MAGI1: variants seen among roughly 807,000 people sequenced by gnomAD.
The protein encoded by MAGI1 is membrane associated guanylate kinase, WW and PDZ domain containing 1, also known as membrane-associated guanylate kinase, WW and PDZ domain-containing protein 1.
In MAGI1, 58 loss-of-function variants were observed where a neutral mutation model predicts 139.9. The observed-to-expected ratio is 0.41, with a 90% CI of 0.34 to 0.52. The LOEUF is 0.52. Among genes scored for constraint, MAGI1 ranks in the 20% least tolerant of loss-of-function variants. MAGI1 has a pLI of 0.12. For missense variants in MAGI1, 1,874 were observed against 1,901.6 expected, an observed-to-expected ratio of 0.99 and a Z score of 0.27; for synonymous variants, 812 against 737.9, an observed-to-expected ratio of 1.10 and a Z score of -1.63.
intron 1 of MAGI1, among the ~76,000 whole-genome samples, chr3:65,918,379 A>ACTT (rs2062009102): frequency 7.8e-6 from 1 of 128,704 alleles, no homozygotes; most frequent in Non-Finnish European, 1.6e-5. Flanking sequence ...GCTCCAAAAC[A>ACTT]TTTTTTTTTT....
At chr3:65,632,712 T>C (rs933486287) in intron 1 of MAGI1, among the ~76,000 whole-genome samples, 5 of 152,212 alleles carry the variant, frequency 3.3e-5, no homozygotes, top group African/African-American at 7.2e-5. Flanking sequence ...AAAGCAGCCA[T>C]TGACAAGATG....
At chr3:66,017,940 G>C (rs2067741570) in intron 1 of MAGI1, among the ~76,000 whole-genome samples, 1 of 152,122 alleles carries the variant, frequency 6.6e-6, no homozygotes, top group African/African-American at 2.4e-5. Flanking sequence ...CAAGCTGAGA[G>C]AAAAAGCAAA....
intron 1 of MAGI1, among the ~76,000 whole-genome samples, chr3:65,831,711 A>T (rs76269807): frequency 0.055 from 8,425 of 152,304 alleles, 305 homozygotes; most frequent in African/African-American, 0.099. Context: ...TTTTGCAAAT[A>T]TTTAAAAAGC....
At chr3:65,401,788 C>T (rs1944918023) in intron 12 of MAGI1, 1 of 1,359,190 alleles carries the variant, frequency 7.4e-7, no homozygotes, top group African/African-American at 1.5e-5. Context: ...CTCAAATGCT[C>T]TTCTGGATTA....
chr3:65,754,707 TCTCA>T (rs1447409012), intron 1 of MAGI1, among the ~76,000 whole-genome samples: 3 of 152,202 alleles, frequency 2.0e-5, no homozygotes, highest in Non-Finnish European at 4.4e-5. Flanking sequence ...AATAGTTTAT[TCTCA>T]CTATTTCAAA....
chr3:66,011,424 T>A (rs922991311), intron 1 of MAGI1, among the ~76,000 whole-genome samples: 3 of 152,042 alleles, frequency 2.0e-5, no homozygotes, highest in Non-Finnish European at 1.5e-5. Context: ...TTAAGCCAAT[T>A]ACACACACAC....
In MAGI1 at chr3:65,445,005, A is replaced by G. The variant is rs188405067; in HGVS notation, c.1079-2156T>C. ...TGCCATTTGGTTCTAAAAGACTGAA[A>G]AAGGCAGAAAATATTTAAGTCCAGA... On this transcript the variant is annotated intron_variant, in intron 7 of 22. Transcript: ENST00000402939. Among the ~76,000 whole-genome samples the G allele has an allele frequency of 1.2e-4, 19 of 152,338 alleles. No homozygotes were observed. In the East Asian group the frequency reaches 3.5e-3, roughly 28 times the overall value.
intron 1 of MAGI1, among the ~76,000 whole-genome samples, chr3:65,684,868 ATTTTTTTTTTTTTTTTT>A (rs761948943): frequency 2.0e-5 from 2 of 98,178 alleles, no homozygotes; most frequent in African/African-American, 1.1e-4. Flanking sequence ...CACCTGGCTA[ATTTTTTTTTTTTTTTTT>A]TTTTTTTTTT....
intron 1 of MAGI1, among the ~76,000 whole-genome samples, chr3:66,028,015 T>C (rs945748447): frequency 5.3e-5 from 8 of 152,124 alleles, no homozygotes; most frequent in African/African-American, 1.9e-4. Flanking sequence ...GCTGAAAATA[T>C]CACAGCTGGC....
At chr3:65,870,510 A>G (rs964626267) in intron 1 of MAGI1, among the ~76,000 whole-genome samples, 1 of 151,924 alleles carries the variant, frequency 6.6e-6, no homozygotes, top group Admixed American at 6.6e-5. Context: ...CTAAAATGAG[A>G]AAGAGAGCAG....
At chr3:65,580,713 C>G (rs115867284) in intron 2 of MAGI1, among the ~76,000 whole-genome samples, 2 of 152,180 alleles carry the variant, frequency 1.3e-5, no homozygotes, top group Non-Finnish European at 2.9e-5. Context: ...CTTGGGCTAT[C>G]AGATTACTCA....
In MAGI1 at chr3:65,357,044, T is replaced by C. The variant is rs752888572; in HGVS notation, c.3723A>G (p.Ser1241=). 4.3e-6 allele frequency: 7 copies of C among 1,613,952 alleles called. No homozygotes were observed. In the South Asian group the frequency reaches 6.6e-5, roughly 15 times the overall value. The change falls in exon 23 of 23, where the codon TCA becomes TCG. Residue 1241 remains serine (S), a synonymous_variant. Transcript: ENST00000402939. ...RAGPDRRQHP[S]LESSYPPDLH... ...GATCGGGTGGGTAACTGGACTCCAA[T>C]GACGGATGCTGCCGGCGGTCGGGCC...
intron 1 of MAGI1, among the ~76,000 whole-genome samples, chr3:65,840,784 C>T (rs944898285): frequency 1.5e-4 from 23 of 152,160 alleles, no homozygotes; most frequent in African/African-American, 4.6e-4. Flanking sequence ...GTTTTGATAT[C>T]GGGATAAAAC....
At chr3:65,652,954 C>T (rs569392919) in intron 1 of MAGI1, among the ~76,000 whole-genome samples, 64 of 152,198 alleles carry the variant, frequency 4.2e-4, no homozygotes, top group African/African-American at 1.5e-3. Context: ...AAAATATGAC[C>T]ACCTATTAGC....
At chr3:65,383,372 G>C (rs963712908) in intron 15 of MAGI1, among the ~76,000 whole-genome samples, 160 bp downstream of exon 15, 2 of 152,176 alleles carry the variant, frequency 1.3e-5, no homozygotes, top group African/African-American at 2.4e-5. Flanking sequence ...TCAAGACAAA[G>C]AGAGCTCCAC....
rs932425340 is a variant in MAGI1 at position 66,038,371 on chromosome 3, C to T, written c.-63G>A. ...AGACAGGTGCCCCCCACAGCACGAG[C>T]CCCCAAGCCTCCGCTTGTTCATGGG... On this transcript the variant is annotated 5_prime_UTR_variant, in exon 1 of 23. Transcript: ENST00000402939. 3.3e-6 allele frequency: 5 copies of T among 1,499,192 alleles called. No individual in the cohort carries two copies. Among genetic ancestry groups the T allele is most frequent in the Non-Finnish European group, 3.5e-6 (4 of 1,129,730 alleles). 92.9% of individuals were successfully genotyped at this position (1,499,192 alleles called of 1,614,324 possible). A position where few individuals can be genotyped will look rare whatever the true frequency, so the allele number is the denominator to read the frequency against.
chr3:65,835,812 A>C (rs1298829629), intron 1 of MAGI1, among the ~76,000 whole-genome samples: 2 of 152,200 alleles, frequency 1.3e-5, no homozygotes, highest in African/African-American at 2.4e-5. Flanking sequence ...CACCCTCTGC[A>C]CCATATATAG....
chr3:65,440,964 ATTAT>A (rs1948283869), intron 8 of MAGI1, among the ~76,000 whole-genome samples: 1 of 151,668 alleles, frequency 6.6e-6, no homozygotes, highest in Non-Finnish European at 1.5e-5. Context: ...ATAAATATAC[ATTAT>A]TTATTGTTTT....
intron 1 of MAGI1, among the ~76,000 whole-genome samples, chr3:65,830,034 G>A (rs1322395531): frequency 1.3e-5 from 2 of 152,102 alleles, no homozygotes; most frequent in Non-Finnish European, 2.9e-5. Context: ...CCAGACACAC[G>A]TGAGATCATT....
Sources: gnomAD v4.1 joint callset for allele counts (sites outside exome capture counted in the v4.1 genomes callset) on GRCh38, gnomAD v4.1.1 for gene constraint, MANE v1.5 for transcripts, NCBI Gene and HGNC (gene_info 2026-07-23, HGNC 2026-07-21) for gene names.